Variants in FAAH2 observed in about 807,000 individuals in gnomAD.
FAAH2 encodes fatty-acid amide hydrolase 2.
In FAAH2, 60 loss-of-function variants were observed where a neutral mutation model predicts 36.9. The ratio of observed to expected loss-of-function variants is 1.63; its 90% CI spans 1.32 to 2.02. The LOEUF (loss-of-function observed/expected upper bound fraction) is 2.02, where lower values mean the gene tolerates loss of function less well. Among genes scored for constraint, FAAH2 ranks in the 30% most tolerant of loss-of-function variants. The pLI is 0.00. For missense variants in FAAH2, 689 were observed against 397.5 expected (o/e 1.73, Z -6.23); for synonymous variants, 214 against 143.8 (o/e 1.49, Z -3.49).
intron 7 of FAAH2, among the ~76,000 whole-genome samples, chrX:57,418,044 T>A (rs2055892726): frequency 9.0e-6 from 1 of 111,401 alleles, no homozygotes; most frequent in Non-Finnish European, 1.9e-5. Context: ...GAAAACCACT[T>A]ACTCAAGCCT....
At chrX:57,161,604 C>A in the FAAH2 span, among the ~76,000 whole-genome samples, 1 of 111,690 alleles carries the variant, frequency 9.0e-6, no homozygotes, top group African/African-American at 3.3e-5. Flanking sequence ...GATCCCTTTA[C>A]CGTTATGTAA....
In FAAH2 at chrX:57,318,714, AC is replaced by A. The variant is rs60862330; in HGVS notation, c.412+7986del. Among the ~76,000 whole-genome samples the A allele has an allele frequency of 6.1e-3, 688 of 111,907 alleles. 2 individuals carry two copies. The highest frequency in any genetic ancestry group is 0.021 in the African/African-American group (663 of 30,858). On this transcript the variant is annotated intron_variant, in intron 3 of 10. Coordinates refer to ENST00000374900, the MANE Select transcript of FAAH2 (RefSeq NM_174912.4). ...GATAACAAACCCTGGCAGAGACACAACAAAAAAAGAAAATTTCAAGCCAATA... is the reference window on the plus strand; with the variant it reads ...GATAACAAACCCTGGCAGAGACACAAAAAAAAAGAAAATTTCAAGCCAATA...
In FAAH2 at chrX:57,471,438, C is replaced by G. The variant is rs12835625; in HGVS notation, c.1424-17319C>G. ...TCAATGTGCAAAAATCACAATCATT[C>G]TTATACACCCATAACAGATAGAGAA... On this transcript the variant is annotated intron_variant, in intron 10 of 10. Coordinates refer to ENST00000374900, the MANE Select transcript of FAAH2 (RefSeq NM_174912.4). 1.6e-3 allele frequency among the ~76,000 whole-genome samples: 176 copies of G among 111,825 alleles called. 1 individual carries two copies. Among genetic ancestry groups the G allele is most frequent in the Non-Finnish European group, 2.9e-3 (153 of 53,130 alleles).
At chrX:57,220,344 C>T in the FAAH2 span, among the ~76,000 whole-genome samples, 1 of 109,353 alleles carries the variant, frequency 9.1e-6, no homozygotes, top group Admixed American at 9.8e-5. Flanking sequence ...TCCTCCCCAA[C>T]GCCCTCTCCT....
At chrX:57,456,741 G>T (rs767205214) in intron 10 of FAAH2, among the ~76,000 whole-genome samples, 1 of 111,285 alleles carries the variant, frequency 9.0e-6, no homozygotes, top group Admixed American at 9.6e-5. Flanking sequence ...GATAGAATCA[G>T]GGATAAAAGT....
chrX:57,381,011 C>T lies in FAAH2; in HGVS notation c.978C>T (p.Leu326=). The change falls in exon 7 of 11, where the codon CTC becomes CTT. Residue 326 remains leucine (L), a synonymous_variant. Transcript: ENST00000374900. ...TAATGTCCAAAGTGGACCAAGATCT[C>T]ATTATGACTCAGAAAAAGGTAATTT... is the stretch of plus-strand genomic sequence containing the variant. ...SFLMSKVDQD[L]IMTQKKVVVH... The T allele has an allele frequency of 8.6e-7, 1 of 1,167,363 alleles. No homozygotes were observed. The highest frequency in any genetic ancestry group is 1.2e-6 in the Non-Finnish European group (1 of 866,424).
intron 7 of FAAH2, among the ~76,000 whole-genome samples, chrX:57,418,879 C>T (rs1272385088): frequency 1.2e-5 from 1 of 84,691 alleles, no homozygotes; most frequent in Non-Finnish European, 2.3e-5. Flanking sequence ...CCTCCCCCCA[C>T]CCAACAGTCC....
intron 3 of FAAH2, among the ~76,000 whole-genome samples, chrX:57,328,822 TG>T (rs935014681): frequency 4.5e-5 from 5 of 111,673 alleles, no homozygotes; most frequent in Non-Finnish European, 9.4e-5. Flanking sequence ...ACATTTAAAG[TG>T]GCCAAGACTC....
the FAAH2 span, among the ~76,000 whole-genome samples, chrX:57,228,374 C>A: frequency 1.8e-5 from 2 of 111,211 alleles, no homozygotes; most frequent in African/African-American, 6.6e-5. Context: ...CTTGACTCGG[C>A]TCCAGGTAAA....
chrX:57,209,518 T>C, the FAAH2 span, among the ~76,000 whole-genome samples: 198 of 111,231 alleles, frequency 1.8e-3, 1 homozygote, highest in African/African-American at 6.1e-3. Flanking sequence ...TTCTGACCCA[T>C]GGTGCCCTGT....
At chrX:57,452,052 G>T (rs1569355489) in intron 10 of FAAH2, 1 of 358,121 alleles carries the variant, frequency 2.8e-6, no homozygotes, top group Non-Finnish European at 3.6e-6. Context: ...AATTGGGAGA[G>T]GTGATTACCA....
the FAAH2 span, among the ~76,000 whole-genome samples, chrX:57,173,626 T>C: frequency 8.9e-6 from 1 of 112,153 alleles, no homozygotes; most frequent in South Asian, 3.7e-4. Context: ...ATAGAAGTGA[T>C]GAAAATAGGC....
intron 5 of FAAH2, among the ~76,000 whole-genome samples, chrX:57,349,334 TATA>T (rs1464489058): frequency 1.0e-5 from 1 of 97,301 alleles, no homozygotes; most frequent in African/African-American, 3.6e-5. Context: ...TATACACATA[TATA>T]ATGTTTTATA....
the FAAH2 span, among the ~76,000 whole-genome samples, chrX:57,208,947 G>A: frequency 5.4e-5 from 6 of 111,856 alleles, no homozygotes; most frequent in Non-Finnish European, 9.4e-5. Flanking sequence ...AACCTTCAGC[G>A]TGGGTGTCAT....
At chrX:57,367,372 G>A (rs1341965747) in intron 5 of FAAH2, among the ~76,000 whole-genome samples, 1 of 112,073 alleles carries the variant, frequency 8.9e-6, no homozygotes, top group African/African-American at 3.2e-5. Context: ...GCATGAACAA[G>A]GCAATGACAC....
At chrX:57,235,582 A>T in the FAAH2 span, among the ~76,000 whole-genome samples, 5 of 112,587 alleles carry the variant, frequency 4.4e-5, no homozygotes, top group East Asian at 1.1e-3. Context: ...ATGCATCTTC[A>T]TGAAAGTCCA....
the FAAH2 span, among the ~76,000 whole-genome samples, chrX:57,239,367 A>G: frequency 9.0e-6 from 1 of 111,432 alleles, no homozygotes; most frequent in Non-Finnish European, 1.9e-5. Flanking sequence ...AGAATGATGA[A>G]TATGGGCTCC....
the FAAH2 span, among the ~76,000 whole-genome samples, chrX:57,165,025 G>T: frequency 8.9e-6 from 1 of 111,939 alleles, no homozygotes; most frequent in African/African-American, 3.3e-5. Context: ...AAATAATTGG[G>T]CATAGCATTT....
the FAAH2 span, among the ~76,000 whole-genome samples, chrX:57,268,400 A>G: frequency 8.9e-6 from 1 of 111,928 alleles, no homozygotes; most frequent in Non-Finnish European, 1.9e-5. Flanking sequence ...AGAGATAAGG[A>G]GAATGGGACC....
Sources: allele counts gnomAD v4.1 joint callset (sites outside exome capture counted in the v4.1 genomes callset), GRCh38; gene constraint gnomAD v4.1.1; transcripts MANE v1.5; gene names NCBI Gene and HGNC (gene_info 2026-07-23, HGNC 2026-07-21).